SLC25A24: variants seen among roughly 807,000 people sequenced by gnomAD.
The protein encoded by SLC25A24 is solute carrier family 25 member 24.
A neutral mutation model predicts 60.7 loss-of-function variants in SLC25A24; 49 were observed. That is an observed-to-expected ratio of 0.81 (90% CI 0.64 to 1.02). The LOEUF (loss-of-function observed/expected upper bound fraction) is 1.02. SLC25A24 is among the 50% of genes least tolerant of loss of function. The pLI, the probability that SLC25A24 is intolerant of heterozygous loss-of-function variation, is 0.00. For synonymous variants in SLC25A24, 202 were observed against 200.6 expected (o/e 1.01, Z -0.06); for missense variants, 564 against 586.3 (o/e 0.96, Z 0.39).
chr1:108,200,153 A>T lies in SLC25A24; in HGVS notation c.-15T>A. On this transcript the variant is annotated 5_prime_UTR_variant, in exon 1 of 10. Coordinates refer to ENST00000565488, the MANE Select transcript of SLC25A24 (RefSeq NM_013386.5). The stretch of plus-strand genomic sequence containing the variant: ...CAGCGCAACATGGTCCCAGAGGCGC[A>T]GGCGGCCTGGCCGAGGAAGTCACGG... 1 of 1,539,588 alleles carries T rather than the reference A, an allele frequency of 6.5e-7. No homozygotes were observed. The highest frequency in any genetic ancestry group is 1.4e-5 in the African/African-American group (1 of 72,752).
At position 108,186,048 on chromosome 1, in the gene SLC25A24, A is replaced by G. The variant is rs1648115761; in HGVS notation, c.184-94T>C. The G allele has an allele frequency of 5.1e-6, 5 of 987,608 alleles. No individual in the cohort carries two copies. The Middle Eastern group carries it at 9.6e-4, about 189-fold the overall frequency. The allele number at this position is 987,608 out of a possible 1,614,324, so 61.2% of individuals were successfully genotyped here. On this transcript the variant is annotated intron_variant, in intron 1 of 9. Coordinates refer to ENST00000565488, the MANE Select transcript of SLC25A24 (RefSeq NM_013386.5). ...TTTCAAGCAGATTAGCTGTTTTCCT[A>G]AAAGACTATAGTACCTATTTTTGGC...
At chr1:108,176,485 A>G (rs1441112925) in intron 3 of SLC25A24, among the ~76,000 whole-genome samples, 1 of 152,174 alleles carries the variant, frequency 6.6e-6, no homozygotes, top group African/African-American at 2.4e-5. Flanking sequence ...AAATTTTCCA[A>G]ACCTGGAGAA....
intron 3 of SLC25A24, among the ~76,000 whole-genome samples, chr1:108,178,674 C>T (rs1647794044): frequency 6.6e-6 from 1 of 152,016 alleles, no homozygotes; most frequent in Non-Finnish European, 1.5e-5. Flanking sequence ...ATTAGCCGGG[C>T]GTGGTGGCGG....
intron 3 of SLC25A24, among the ~76,000 whole-genome samples, chr1:108,170,285 T>C (rs370432638): frequency 1.1e-4 from 17 of 152,320 alleles, no homozygotes; most frequent in African/African-American, 4.1e-4. Flanking sequence ...AATTTATGTC[T>C]GTAATTAACT....
rs1350499894 is a variant in SLC25A24 at position 108,140,512 on chromosome 1, TATAA to T, written c.1099-1308_1099-1305del. On this transcript the variant is annotated intron_variant, in intron 8 of 9. Transcript: ENST00000565488. ...ATCCTATAGTATTGTAATGAAGGTA[TATAA>T]ATAACTTGAAAATCTAAATTTCAAA... is the stretch of plus-strand genomic sequence containing the variant. Among the ~76,000 whole-genome samples, 5 of 152,224 alleles carry T rather than the reference TATAA, an allele frequency of 3.3e-5. No individual in the cohort carries two copies. The South Asian group carries it at 8.3e-4, about 25-fold the overall frequency.
intron 3 of SLC25A24, among the ~76,000 whole-genome samples, chr1:108,178,054 T>C (rs1202318723): frequency 6.6e-6 from 1 of 152,036 alleles, no homozygotes; most frequent in African/African-American, 2.4e-5. Context: ...TCCCAGCGAC[T>C]CGGGAGGCTG....
In SLC25A24 at chr1:108,154,073, A is replaced by ATTT. The variant is rs3043351; in HGVS notation, c.822+907_822+909dup. On this transcript the variant is annotated intron_variant, in intron 6 of 9. Transcript: ENST00000565488. ...AATCCTGGAGACTAGATTTTCTTTAATTTTTTTTTTTTTTTTGCTTCTCTA... is the reference window on the plus strand; with the variant it reads ...AATCCTGGAGACTAGATTTTCTTTAATTTTTTTTTTTTTTTTTTTGCTTCTCTA... Among the ~76,000 whole-genome samples the ATTT allele has an allele frequency of 1.7e-3, 228 of 133,474 alleles. 4 individuals carry two copies. Among genetic ancestry groups the ATTT allele is most frequent in the African/African-American group, 5.5e-3 (192 of 34,948 alleles). 87.6% of individuals were successfully genotyped at this position (133,474 alleles called of 152,430 possible).
At chr1:108,173,033 T>C (rs1647514820) in intron 3 of SLC25A24, among the ~76,000 whole-genome samples, 1 of 152,192 alleles carries the variant, frequency 6.6e-6, no homozygotes, top group African/African-American at 2.4e-5. Context: ...GTCAGGGTTA[T>C]CTAGAGAAGC....
intron 3 of SLC25A24, among the ~76,000 whole-genome samples, chr1:108,169,930 C>CT (rs1361293160): frequency 1.3e-5 from 2 of 152,044 alleles, no homozygotes; most frequent in Admixed American, 6.6e-5. Flanking sequence ...TCTCATTTCT[C>CT]TTTTTTCTTC....
rs1212225987 is a variant in SLC25A24, at chr1:108,200,140, G to C, written c.-2C>G. 1 of 1,547,152 alleles carries C rather than the reference G, an allele frequency of 6.5e-7. No homozygotes were observed. Among genetic ancestry groups the C allele is most frequent in the Non-Finnish European group, 8.7e-7 (1 of 1,148,072 alleles). On this transcript the variant is annotated 5_prime_UTR_variant, in exon 1 of 10. Coordinates refer to ENST00000565488, the MANE Select transcript of SLC25A24 (RefSeq NM_013386.5). ...GAAGTCCCGCAGCCAGCGCAACATG[G>C]TCCCAGAGGCGCAGGCGGCCTGGCC... is the stretch of plus-strand genomic sequence containing the variant.
chr1:108,170,927 A>G (rs917351520), intron 3 of SLC25A24, among the ~76,000 whole-genome samples: 7 of 152,104 alleles, frequency 4.6e-5, no homozygotes, highest in Non-Finnish European at 8.8e-5. Flanking sequence ...GGGAAACAGG[A>G]TAAGAACTCT....
chr1:108,172,157 A>G (rs1647486014), intron 3 of SLC25A24, among the ~76,000 whole-genome samples: 1 of 152,228 alleles, frequency 6.6e-6, no homozygotes, highest in Non-Finnish European at 1.5e-5. Context: ...TAATTATGAC[A>G]TATGTGAAAC....
At chr1:108,144,970 G>A (rs150697554) in intron 7 of SLC25A24, among the ~76,000 whole-genome samples, 25 of 152,186 alleles carry the variant, frequency 1.6e-4, no homozygotes, top group African/African-American at 5.1e-4. Context: ...TGGGTCAAAC[G>A]GTATTTCTGG....
At chr1:108,181,884 G>T (rs561741300) in intron 3 of SLC25A24, 57 bp downstream of exon 3, 3 of 1,237,354 alleles carry the variant, frequency 2.4e-6, no homozygotes, top group South Asian at 1.2e-5. Context: ...CAAACACAGA[G>T]TTCTAATGCA....
At chr1:108,141,715 T>C (rs1018360527) in intron 8 of SLC25A24, among the ~76,000 whole-genome samples, 1 of 152,176 alleles carries the variant, frequency 6.6e-6, no homozygotes, top group African/African-American at 2.4e-5. Flanking sequence ...TGCTATCATA[T>C]GGATGAATCA....
At chr1:108,199,057 A>G (rs1648583651) in intron 1 of SLC25A24, 1 of 152,258 alleles carries the variant, frequency 6.6e-6, no homozygotes, top group Non-Finnish European at 1.5e-5. Context: ...ATCGGTGAGT[A>G]TTATGAACCT....
chr1:108,157,712 G>A (rs1341858735), intron 4 of SLC25A24, 92 bp from the exon 5 acceptor site: 2 of 1,382,724 alleles, frequency 1.4e-6, no homozygotes, highest in Admixed American at 2.0e-5. Context: ...TTATTTTACA[G>A]TTAATATGAA....
intron 9 of SLC25A24, among the ~76,000 whole-genome samples, chr1:108,138,173 G>A (rs770719553): frequency 6.6e-6 from 1 of 152,228 alleles, no homozygotes; most frequent in South Asian, 2.1e-4. Context: ...TGGACATAAC[G>A]TCTTCTCTAC....
chr1:108,149,828 T>C (rs1679709843), intron 6 of SLC25A24, among the ~76,000 whole-genome samples: 1 of 152,188 alleles, frequency 6.6e-6, no homozygotes, highest in Non-Finnish European at 1.5e-5. Context: ...CCCATTCCTG[T>C]GCCAGCCAGT....
Sources: allele counts gnomAD v4.1 joint callset (sites outside exome capture counted in the v4.1 genomes callset), GRCh38; gene constraint gnomAD v4.1.1; transcripts MANE v1.5; gene names NCBI Gene and HGNC (gene_info 2026-07-23, HGNC 2026-07-21).